Variants in CLDN16 observed in about 807,000 individuals in gnomAD.
The protein encoded by CLDN16 is claudin 16.
CLDN16 carries 13 observed loss-of-function variants against 24.6 expected under a neutral mutation model. The ratio of observed to expected loss-of-function variants is 0.53; its 90% CI spans 0.34 to 0.84. The LOEUF (loss-of-function observed/expected upper bound fraction) is 0.84, where lower values mean the gene tolerates loss of function less well. CLDN16 is among the 40% of genes least tolerant of loss of function. The probability of loss-of-function intolerance (pLI) is 0.01; values close to 1 mark genes in which losing one functional copy is unlikely to be tolerated. For synonymous variants in CLDN16, 116 were observed against 106.7 expected, an observed-to-expected ratio of 1.09 and a Z score of -0.54; for missense variants, 298 against 292.7, an observed-to-expected ratio of 1.02 and a Z score of -0.13.
At chr3:190,364,171 G>C (rs887310581) in intron 1 of CLDN16, among the ~76,000 whole-genome samples, 1 of 151,610 alleles carries the variant, frequency 6.6e-6, no homozygotes, top group Middle Eastern at 3.2e-3. Context: ...CCACATGTGA[G>C]TACAGTTTGG....
intron 1 of CLDN16, among the ~76,000 whole-genome samples, chr3:190,393,301 A>C (rs1345166876): frequency 1.3e-5 from 2 of 152,156 alleles, no homozygotes; most frequent in African/African-American, 2.4e-5. Flanking sequence ...AGCTTATTAT[A>C]CAATACTTAG....
intron 2 of CLDN16, among the ~76,000 whole-genome samples, chr3:190,403,903 CTGA>C (rs1719023908): frequency 6.6e-6 from 1 of 151,808 alleles, no homozygotes; most frequent in Non-Finnish European, 1.5e-5. Flanking sequence ...AATTCATAAG[CTGA>C]TAAGAAAATG....
intron 1 of CLDN16, among the ~76,000 whole-genome samples, chr3:190,332,786 T>G (rs1717211850): frequency 1.3e-5 from 2 of 151,836 alleles, no homozygotes; most frequent in African/African-American, 2.4e-5. Flanking sequence ...TTTTTTTTTT[T>G]TGTTACAAGA....
At chr3:190,357,584 C>T (rs939365308) in intron 1 of CLDN16, among the ~76,000 whole-genome samples, 10 of 151,906 alleles carry the variant, frequency 6.6e-5, no homozygotes, top group Non-Finnish European at 8.8e-5. Context: ...TCCAGTTCCT[C>T]AGTATGATAC....
chr3:190,310,228 T>C, the CLDN16 span: 1 of 1,613,904 alleles, frequency 6.2e-7, no homozygotes, highest in Non-Finnish European at 8.5e-7. Flanking sequence ...TGCCATACCA[T>C]GCTGTGGCAA....
Position 190,410,054 on chromosome 3 carries a change from G to A in CLDN16, c.*18G>A. On this transcript the variant is annotated 3_prime_UTR_variant, in exon 5 of 5. Transcript: ENST00000264734. ...GGGTGTAAAATGCACGTTTCAGGGTGTGTTTGCATATGATTTAATCAATCA... is the reference window on the plus strand; with the variant it reads ...GGGTGTAAAATGCACGTTTCAGGGTATGTTTGCATATGATTTAATCAATCA... 1 of 1,613,960 alleles carries A rather than the reference G, an allele frequency of 6.2e-7. No individual in the cohort carries two copies. Among genetic ancestry groups the A allele is most frequent in the Non-Finnish European group, 8.5e-7 (1 of 1,179,878 alleles).
chr3:190,369,228 G>C (rs1488691987), intron 1 of CLDN16, among the ~76,000 whole-genome samples: 1 of 151,898 alleles, frequency 6.6e-6, no homozygotes, highest in Non-Finnish European at 1.5e-5. Flanking sequence ...GAAAGTCACT[G>C]CCTCCAAGGA....
chr3:190,357,964 A>AT (rs1174524858), intron 1 of CLDN16, among the ~76,000 whole-genome samples: 5 of 151,738 alleles, frequency 3.3e-5, no homozygotes, highest in Non-Finnish European at 5.9e-5. Flanking sequence ...TTACTTTCAT[A>AT]TTTTTTATAT....
chr3:190,357,655 C>T (rs1717804161), intron 1 of CLDN16, among the ~76,000 whole-genome samples: 1 of 151,942 alleles, frequency 6.6e-6, no homozygotes, highest in Non-Finnish European at 1.5e-5. Context: ...ACACCCTGCA[C>T]ACTTGGTATG....
intron 1 of CLDN16, among the ~76,000 whole-genome samples, chr3:190,398,075 A>G (rs140474982): frequency 2.6e-5 from 4 of 152,286 alleles, no homozygotes; most frequent in Non-Finnish European, 5.9e-5. Flanking sequence ...AACTTGTATC[A>G]CCTAGCTTGA....
intron 1 of CLDN16, among the ~76,000 whole-genome samples, chr3:190,398,624 T>C (rs1345215334): frequency 6.6e-6 from 1 of 152,208 alleles, no homozygotes; most frequent in African/African-American, 2.4e-5. Context: ...CCTCCATCTT[T>C]CTCCACCTTC....
At chr3:190,323,731 GC>G (rs1324301957) in intron 1 of CLDN16, among the ~76,000 whole-genome samples, 1 of 152,156 alleles carries the variant, frequency 6.6e-6, no homozygotes, top group Non-Finnish European at 1.5e-5. Flanking sequence ...GGGAAGAAAG[GC>G]CAAGCCCCAC....
upstream of CLDN16, among the ~76,000 whole-genome samples, chr3:190,318,434 A>G (rs944225821): frequency 3.9e-5 from 6 of 152,216 alleles, no homozygotes; most frequent in Admixed American, 3.9e-4. Context: ...AACTCATCTT[A>G]GCTGCACCAT....
At chr3:190,352,804 AG>A (rs1249780083) in intron 1 of CLDN16, among the ~76,000 whole-genome samples, 2 of 140,900 alleles carry the variant, frequency 1.4e-5, no homozygotes, top group Non-Finnish European at 3.2e-5. Context: ...AAAAAAAAAA[AG>A]GATAAAAAAA....
intron 3 of CLDN16, among the ~76,000 whole-genome samples, chr3:190,407,048 C>T (rs1437543527): frequency 6.6e-6 from 1 of 151,914 alleles, no homozygotes; most frequent in African/African-American, 2.4e-5. Flanking sequence ...CCTATCTGCT[C>T]CTTCTTAAAG....
intron 1 of CLDN16, among the ~76,000 whole-genome samples, chr3:190,324,848 G>C (rs1717025050): frequency 6.6e-6 from 1 of 152,144 alleles, no homozygotes; most frequent in Non-Finnish European, 1.5e-5. Context: ...ATCAACTTAA[G>C]AGGAAAAACA....
intron 1 of CLDN16, among the ~76,000 whole-genome samples, chr3:190,397,238 C>T (rs932611443): frequency 2.6e-5 from 4 of 152,112 alleles, no homozygotes; most frequent in Non-Finnish European, 4.4e-5. Context: ...GCAGGTAATC[C>T]ACTCTTCACT....
intron 1 of CLDN16, among the ~76,000 whole-genome samples, chr3:190,340,891 C>T (rs1200307459): frequency 6.6e-6 from 1 of 152,170 alleles, no homozygotes; most frequent in Non-Finnish European, 1.5e-5. Flanking sequence ...GGGTTACAGG[C>T]CCCATGCAAG....
At chr3:190,358,269 G>A (rs1386417682) in intron 1 of CLDN16, among the ~76,000 whole-genome samples, 1 of 151,754 alleles carries the variant, frequency 6.6e-6, no homozygotes, top group African/African-American at 2.4e-5. Context: ...GTCATAATAA[G>A]AGCCGCTGAG....
Sources: gnomAD v4.1 joint callset for allele counts (sites outside exome capture counted in the v4.1 genomes callset) on GRCh38, gnomAD v4.1.1 for gene constraint, MANE v1.5 for transcripts, NCBI Gene and HGNC (gene_info 2026-07-23, HGNC 2026-07-21) for gene names.